Variants in LEF1 observed in about 807,000 individuals in gnomAD.
The protein encoded by LEF1 is lymphoid enhancer-binding factor 1.
A neutral mutation model predicts 51.2 loss-of-function variants in LEF1; 14 were observed. The observed-to-expected ratio is 0.27, with a 90% CI of 0.18 to 0.43. The LOEUF (loss-of-function observed/expected upper bound fraction) is 0.43. Ranked by LOEUF, LEF1 falls within the 20% of genes least tolerant of loss-of-function variation. The pLI is 1.00. For synonymous variants in LEF1, 185 were observed against 183.2 expected, an observed-to-expected ratio of 1.01 and a Z score of -0.08; for missense variants, 386 against 512.0, an observed-to-expected ratio of 0.75 and a Z score of 2.37.
chr4:108,083,665 G>A (rs1040067920), intron 4 of LEF1, among the ~76,000 whole-genome samples: 7 of 152,184 alleles, frequency 4.6e-5, no homozygotes, highest in African/African-American at 1.7e-4. Flanking sequence ...AACTCCTACA[G>A]GAGTAAAGAT....
intron 3 of LEF1, among the ~76,000 whole-genome samples, chr4:108,137,562 G>T (rs9992763): frequency 0.44 from 67,487 of 151,970 alleles, 17,188 homozygotes; most frequent in Middle Eastern, 0.67. Flanking sequence ...GTGTGTGCTG[G>T]GGGGAAGAAG....
At chr4:108,058,765 C>T (rs781612697) in intron 11 of LEF1, among the ~76,000 whole-genome samples, 24 of 152,298 alleles carry the variant, frequency 1.6e-4, no homozygotes, top group Middle Eastern at 3.4e-3. Context: ...GAAGCTCCTC[C>T]AGGAAGGGAT....
At chr4:108,143,417 G>A (rs1032097205) in intron 3 of LEF1, among the ~76,000 whole-genome samples, 7 of 152,110 alleles carry the variant, frequency 4.6e-5, no homozygotes, top group Non-Finnish European at 5.9e-5. Context: ...GGAAAATGCC[G>A]GAAATAAGTT....
At chr4:108,097,291 T>C (rs756152246) in intron 3 of LEF1, among the ~76,000 whole-genome samples, 3 of 152,168 alleles carry the variant, frequency 2.0e-5, no homozygotes, top group Non-Finnish European at 4.4e-5. Context: ...TGCAACAACA[T>C]GGATGGAACT....
intron 3 of LEF1, among the ~76,000 whole-genome samples, chr4:108,127,510 T>C (rs904803187): frequency 6.6e-6 from 1 of 152,162 alleles, no homozygotes; most frequent in Non-Finnish European, 1.5e-5. Flanking sequence ...TGACAAATTA[T>C]GTACAATTAC....
intron 8 of LEF1, among the ~76,000 whole-genome samples, chr4:108,074,957 T>TA (rs1738748157): frequency 6.6e-6 from 1 of 152,176 alleles, no homozygotes; most frequent in Non-Finnish European, 1.5e-5. Flanking sequence ...AAGAAAAAAC[T>TA]AAGAGTTGCA....
intron 3 of LEF1, among the ~76,000 whole-genome samples, chr4:108,106,791 T>C (rs1741197350): frequency 6.6e-6 from 1 of 152,256 alleles, no homozygotes; most frequent in Middle Eastern, 3.4e-3. Context: ...GTCAAAAATA[T>C]GCAAGAAAAA....
chr4:108,116,289 G>A (rs1344325332), intron 3 of LEF1, among the ~76,000 whole-genome samples: 1 of 152,156 alleles, frequency 6.6e-6, no homozygotes, highest in Admixed American at 6.5e-5. Flanking sequence ...GGGAGGCCGA[G>A]GTGAGAGGAC....
At chr4:108,092,825 C>G (rs1354921707) in intron 3 of LEF1, among the ~76,000 whole-genome samples, 1 of 144,992 alleles carries the variant, frequency 6.9e-6, no homozygotes, top group African/African-American at 2.6e-5. Context: ...GACCAACACA[C>G]AGATAAGGTC....
At chr4:108,054,552 C>T (rs1737200906) in intron 11 of LEF1, among the ~76,000 whole-genome samples, 1 of 152,194 alleles carries the variant, frequency 6.6e-6, no homozygotes, top group Non-Finnish European at 1.5e-5. Flanking sequence ...GTTAAAGCCT[C>T]TGGAATGTGG....
chr4:108,092,942 A>AAC (rs1553952209), intron 3 of LEF1, among the ~76,000 whole-genome samples: 41 of 145,064 alleles, frequency 2.8e-4, no homozygotes, highest in Non-Finnish European at 5.8e-4. Flanking sequence ...AAAAAAAAAA[A>AAC]AAAAAAAGAC....
At chr4:108,129,208 C>T (rs1364874464) in intron 3 of LEF1, among the ~76,000 whole-genome samples, 1 of 152,192 alleles carries the variant, frequency 6.6e-6, no homozygotes, top group Non-Finnish European at 1.5e-5. Context: ...CAAAGTCCTT[C>T]TGAGTATATG....
intron 3 of LEF1, among the ~76,000 whole-genome samples, chr4:108,090,179 T>C (rs1739924110): frequency 6.6e-6 from 1 of 152,098 alleles, no homozygotes; most frequent in South Asian, 2.1e-4. Flanking sequence ...AGGGTTTCAC[T>C]ATATTGGCCA....
chr4:108,065,144 C>T (rs906546219), intron 9 of LEF1, among the ~76,000 whole-genome samples: 5 of 152,368 alleles, frequency 3.3e-5, no homozygotes, highest in African/African-American at 9.6e-5. Flanking sequence ...TTAGATCCCA[C>T]TTACAGTGGT....
intron 3 of LEF1, among the ~76,000 whole-genome samples, chr4:108,120,197 A>G (rs991026252): frequency 1.3e-5 from 2 of 151,946 alleles, no homozygotes; most frequent in Non-Finnish European, 2.9e-5. Flanking sequence ...ACCCCCAGAT[A>G]ATTCTTTATA....
chr4:108,162,165 C>T (rs1206169914), intron 3 of LEF1, among the ~76,000 whole-genome samples: 1 of 152,026 alleles, frequency 6.6e-6, no homozygotes, highest in Non-Finnish European at 1.5e-5. Flanking sequence ...ACTTGAAAAG[C>T]CTTAAAATAA....
chr4:108,064,275 C>A, intron 10 of LEF1, 61 bp downstream of exon 10: 1 of 1,143,248 alleles, frequency 8.7e-7, no homozygotes, highest in Non-Finnish European at 1.3e-6. Context: ...GAGATGCAAA[C>A]TGCCTTAAAA....
intron 3 of LEF1, among the ~76,000 whole-genome samples, chr4:108,133,657 C>T (rs1743048729): frequency 6.6e-6 from 1 of 152,186 alleles, no homozygotes; most frequent in Non-Finnish European, 1.5e-5. Context: ...CAGGCATGTG[C>T]CCACTGCACT....
chr4:108,109,298 G>A (rs765431563), intron 3 of LEF1, among the ~76,000 whole-genome samples: 4 of 152,156 alleles, frequency 2.6e-5, no homozygotes, highest in East Asian at 1.9e-4. Context: ...GAAGCTAAAC[G>A]CTGTTGACTT....
Sources: gnomAD v4.1 joint callset for allele counts (sites outside exome capture counted in the v4.1 genomes callset) on GRCh38, gnomAD v4.1.1 for gene constraint, MANE v1.5 for transcripts, NCBI Gene and HGNC (gene_info 2026-07-23, HGNC 2026-07-21) for gene names.